The following LHFPL6 variants were observed in gnomAD, a reference collection of about 807,000 sequenced individuals.
The protein encoded by LHFPL6 is LHFPL tetraspan subfamily member 6.
Under a neutral mutation model 20.6 loss-of-function variants are expected in LHFPL6, and 9 were observed. That is an observed-to-expected ratio of 0.44 (90% CI 0.26 to 0.76). The LOEUF (loss-of-function observed/expected upper bound fraction) is 0.76, where lower values mean the gene tolerates loss of function less well. Among genes scored for constraint, LHFPL6 ranks in the 30% least tolerant of loss-of-function variants. The pLI is 0.20. For missense variants in LHFPL6, 218 were observed against 253.5 expected (o/e 0.86, Z 0.95); for synonymous variants, 105 against 98.7 (o/e 1.06, Z -0.38).
intron 2 of LHFPL6, among the ~76,000 whole-genome samples, chr13:39,490,933 T>C (rs1413082646): frequency 6.6e-6 from 1 of 152,130 alleles, no homozygotes; most frequent in African/African-American, 2.4e-5. Flanking sequence ...GGCAAAACAT[T>C]AGCTCTCTGC....
chr13:39,462,395 G>A (rs1872708920), intron 2 of LHFPL6, among the ~76,000 whole-genome samples: 1 of 152,144 alleles, frequency 6.6e-6, no homozygotes, highest in African/African-American at 2.4e-5. Flanking sequence ...AAAAAAATGT[G>A]TGTGTTACTG....
At chr13:39,410,532 A>T (rs1344410771) in intron 2 of LHFPL6, among the ~76,000 whole-genome samples, 1 of 152,216 alleles carries the variant, frequency 6.6e-6, no homozygotes. Flanking sequence ...TTTCAGAGAA[A>T]CAGATCCTCT....
chr13:39,543,507 G>A lies in LHFPL6; in HGVS notation c.385+57325C>T, dbSNP rs987062866. 2.6e-5 allele frequency among the ~76,000 whole-genome samples: 4 copies of A among 152,036 alleles called. 1 individual carries two copies. Among genetic ancestry groups the A allele is most frequent in the African/African-American group, 9.7e-5 (4 of 41,388 alleles). On this transcript the variant is annotated intron_variant, in intron 2 of 3. Coordinates refer to ENST00000379589, the MANE Select transcript of LHFPL6 (RefSeq NM_005780.3). ...TTAGTGCATGAAGGACGTTCCCTGG[G>A]GTTTTCTGAGAAGTATCTTTCTGAA...
chr13:39,499,645 T>C (rs907632018), intron 2 of LHFPL6, among the ~76,000 whole-genome samples: 9 of 152,214 alleles, frequency 5.9e-5, no homozygotes, highest in Admixed American at 1.3e-4. Flanking sequence ...CCTGGGTTTC[T>C]GAGAATTGGA....
intron 2 of LHFPL6, among the ~76,000 whole-genome samples, chr13:39,576,668 C>T (rs1482496077): frequency 2.0e-5 from 3 of 152,090 alleles, no homozygotes; most frequent in Non-Finnish European, 2.9e-5. Flanking sequence ...GGGTCTCACT[C>T]CATTGCCCAG....
rs371462693 is a variant in LHFPL6 at position 39,510,395 on chromosome 13, G to A, written c.385+90437C>T. 5.3e-5 allele frequency among the ~76,000 whole-genome samples: 8 copies of A among 152,196 alleles called. No individual in the cohort carries two copies. The South Asian group carries it at 6.2e-4, about 12-fold the overall frequency. ...TTGCCCTGGGGCAAACTGAGGTGGC[G>A]ATGTCTGTAGTAACTGCCAAGAGAG... On this transcript the variant is annotated intron_variant, in intron 2 of 3. Transcript: ENST00000379589.
rs190176105 is a variant in LHFPL6 at position 39,365,354 on chromosome 13, G to A, written c.484+13074C>T. 1.2e-4 allele frequency among the ~76,000 whole-genome samples: 18 copies of A among 152,206 alleles called. No individual in the cohort carries two copies. The East Asian group carries it at 3.1e-3, about 26-fold the overall frequency. On this transcript the variant is annotated intron_variant, in intron 3 of 3. Transcript: ENST00000379589. ...CTCTGAATATACTCTCTAGGTATCC[G>A]GTTACATACCTAGAGAACCGGAACG...
chr13:39,356,853 G>C (rs956323905), intron 3 of LHFPL6, among the ~76,000 whole-genome samples: 2 of 152,302 alleles, frequency 1.3e-5, no homozygotes, highest in Admixed American at 6.5e-5. Flanking sequence ...AATGAGTTCT[G>C]AAATTGAATC....
intron 2 of LHFPL6, among the ~76,000 whole-genome samples, chr13:39,447,635 A>G (rs1872326141): frequency 6.6e-6 from 1 of 152,160 alleles, no homozygotes; most frequent in Admixed American, 6.5e-5. Flanking sequence ...TCAACAACAC[A>G]TGGAGTATAT....
chr13:39,550,392 A>G (rs1251535091), intron 2 of LHFPL6, among the ~76,000 whole-genome samples: 6 of 152,144 alleles, frequency 3.9e-5, no homozygotes, highest in Non-Finnish European at 8.8e-5. Context: ...GATTAAATTT[A>G]CTGCAAGTAA....
At chr13:39,345,951 C>T (rs1869389136) in intron 3 of LHFPL6, among the ~76,000 whole-genome samples, 1 of 152,174 alleles carries the variant, frequency 6.6e-6, no homozygotes, top group Admixed American at 6.5e-5. Context: ...CAGCCTCTTT[C>T]CTCACCTCTT....
At chr13:39,538,201 G>C (rs1198549549) in intron 2 of LHFPL6, among the ~76,000 whole-genome samples, 1 of 151,474 alleles carries the variant, frequency 6.6e-6, no homozygotes, top group African/African-American at 2.4e-5. Context: ...TGTTGGGCAG[G>C]CTGGTCTCGA....
intron 3 of LHFPL6, among the ~76,000 whole-genome samples, chr13:39,357,085 T>C (rs1294161258): frequency 6.6e-6 from 1 of 152,136 alleles, no homozygotes; most frequent in Non-Finnish European, 1.5e-5. Context: ...GGTGACAGGA[T>C]GGCTTGAACC....
intron 2 of LHFPL6, among the ~76,000 whole-genome samples, chr13:39,488,591 C>T (rs1868803433): frequency 6.6e-6 from 1 of 152,166 alleles, no homozygotes; most frequent in South Asian, 2.1e-4. Flanking sequence ...CTCTCCTCAC[C>T]ACGTGAAGAA....
At chr13:39,427,759 G>A (rs1393267919) in intron 2 of LHFPL6, among the ~76,000 whole-genome samples, 1 of 152,140 alleles carries the variant, frequency 6.6e-6, no homozygotes, top group Non-Finnish European at 1.5e-5. Context: ...TCAGATCTAT[G>A]TCCCCACCCA....
At chr13:39,423,799 T>C (rs957066458) in intron 2 of LHFPL6, among the ~76,000 whole-genome samples, 1 of 152,142 alleles carries the variant, frequency 6.6e-6, no homozygotes, top group African/African-American at 2.4e-5. Flanking sequence ...ACATAAGTCA[T>C]GTGGAGTTGT....
At position 39,411,508 on chromosome 13, in the gene LHFPL6, G is replaced by A. The variant is rs73458812; in HGVS notation, c.386-32982C>T. On this transcript the variant is annotated intron_variant, in intron 2 of 3. Coordinates refer to ENST00000379589, the MANE Select transcript of LHFPL6 (RefSeq NM_005780.3). Reference sequence around the variant, plus strand: ...ATCCAAGCATGATTCACAGGACTTCGGTTGCCTTATTCCTTCTCTAAGCTT... The same window carrying A: ...ATCCAAGCATGATTCACAGGACTTCAGTTGCCTTATTCCTTCTCTAAGCTT... Among the ~76,000 whole-genome samples, 482 of 152,228 alleles carry A rather than the reference G, an allele frequency of 3.2e-3. 4 individuals carry two copies. The highest frequency in any genetic ancestry group is 0.011 in the African/African-American group (458 of 41,528).
chr13:39,502,857 A>G (rs143838873), intron 2 of LHFPL6, among the ~76,000 whole-genome samples: 1 of 152,054 alleles, frequency 6.6e-6, no homozygotes, highest in African/African-American at 2.4e-5. Context: ...TAATAAATAC[A>G]TTTTCTTTTT....
intron 2 of LHFPL6, among the ~76,000 whole-genome samples, chr13:39,386,698 T>C (rs901167224): frequency 6.6e-6 from 1 of 152,230 alleles, no homozygotes; most frequent in African/African-American, 2.4e-5. Context: ...TCTTGAATAA[T>C]TGAAACATAT....
Sources: allele counts gnomAD v4.1 joint callset (sites outside exome capture counted in the v4.1 genomes callset), GRCh38; gene constraint gnomAD v4.1.1; transcripts MANE v1.5; gene names NCBI Gene and HGNC (gene_info 2026-07-23, HGNC 2026-07-21).